The following ERG variants were observed in gnomAD, a reference collection of about 807,000 sequenced individuals.
The protein encoded by ERG is ETS transcription factor ERG, also known as transcriptional regulator ERG.
ERG carries 9 observed loss-of-function variants against 55.3 expected under a neutral mutation model. The ratio of observed to expected loss-of-function variants is 0.16; its 90% CI spans 0.10 to 0.28. ERG has a LOEUF of 0.28. ERG is among the 10% of genes least tolerant of loss of function. ERG has a pLI of 1.00. For synonymous variants in ERG, 223 were observed against 237.3 expected (o/e 0.94, Z 0.55); for missense variants, 434 against 631.6 (o/e 0.69, Z 3.35).
At chr21:38,655,596 G>C (rs1418767459) in intron 1 of ERG, among the ~76,000 whole-genome samples, 1 of 152,172 alleles carries the variant, frequency 6.6e-6, no homozygotes, top group Non-Finnish European at 1.5e-5. Flanking sequence ...TGTGTGTGAG[G>C]GGTGACATCT....
intron 1 of ERG, among the ~76,000 whole-genome samples, chr21:38,455,637 C>A (rs2058981049): frequency 2.0e-5 from 3 of 151,988 alleles, no homozygotes; most frequent in South Asian, 4.2e-4. Context: ...CGATAAAATT[C>A]CAGGAATTTT....
intron 6 of ERG, 78 bp downstream of exon 6, chr21:38,400,496 C>T (rs759240965): frequency 1.5e-5 from 17 of 1,132,840 alleles, no homozygotes; most frequent in Non-Finnish European, 1.8e-5. Context: ...CTTTGTATCA[C>T]GTGACTTAGG....
chr21:38,367,647 A>G, the ERG span: 1 of 516,152 alleles, frequency 1.9e-6, no homozygotes, highest in South Asian at 1.5e-5. Flanking sequence ...ATTGGGTCCA[A>G]CCTATACAAA....
intron 1 of ERG, among the ~76,000 whole-genome samples, chr21:38,595,372 G>A (rs1374481330): frequency 6.6e-6 from 1 of 152,212 alleles, no homozygotes; most frequent in Non-Finnish European, 1.5e-5. Context: ...AGACATGTCA[G>A]AGCCTGGTGG....
chr21:38,372,731 T>C, the ERG span, among the ~76,000 whole-genome samples: 1 of 152,114 alleles, frequency 6.6e-6, no homozygotes, highest in Non-Finnish European at 1.5e-5. Context: ...GGTAAATTTG[T>C]AAAAATGATT....
At position 38,642,771 on chromosome 21, in the gene ERG, C is replaced by G. The variant is rs966246114; in HGVS notation, c.-150+18887G>C. Among the ~76,000 whole-genome samples the G allele has an allele frequency of 3.3e-5, 5 of 152,304 alleles. No homozygotes were observed. The East Asian group carries it at 9.6e-4, about 29-fold the overall frequency. On this transcript the variant is annotated intron_variant, in intron 1 of 10. Coordinates refer to the ERG transcript ENST00000398910. The stretch of plus-strand genomic sequence containing the variant: ...AGGTAAACCATTCAGCATCATTGGT[C>G]AAAGGTATTGGGTCACTGAAGGAGG...
intron 1 of ERG, among the ~76,000 whole-genome samples, chr21:38,482,667 C>T (rs554898688): frequency 4.6e-5 from 7 of 150,574 alleles, no homozygotes; most frequent in South Asian, 2.1e-4. Flanking sequence ...ATATATACAA[C>T]GGAATATCAT....
At chr21:38,431,957 T>A (rs886252102) in intron 2 of ERG, among the ~76,000 whole-genome samples, 8 of 152,158 alleles carry the variant, frequency 5.3e-5, no homozygotes, top group Non-Finnish European at 1.2e-4. Flanking sequence ...CTGGCTGCCA[T>A]TGGAAAGATC....
chr21:38,616,748 C>A (rs1014227478), intron 1 of ERG, among the ~76,000 whole-genome samples: 2 of 152,038 alleles, frequency 1.3e-5, no homozygotes, highest in African/African-American at 4.8e-5. Context: ...TCATTTTTAT[C>A]CTAAGCACTG....
chr21:38,583,671 G>A (rs2060044141), intron 1 of ERG, among the ~76,000 whole-genome samples: 1 of 152,174 alleles, frequency 6.6e-6, no homozygotes, highest in Admixed American at 6.5e-5. Context: ...GGCCTTTACA[G>A]AGGCAATCAA....
In ERG at chr21:38,484,065, C is replaced by T. The variant is rs191652890; in HGVS notation, c.18+14298G>A. ...GACTGAAAGGTTACATGACAACAGC[C>T]ACAGAACTTAAGGCATAGAACTTTA... is the stretch of plus-strand genomic sequence containing the variant. On this transcript the variant is annotated intron_variant, in intron 1 of 9. Transcript: ENST00000288319. Among the ~76,000 whole-genome samples the T allele has an allele frequency of 7.6e-4, 115 of 152,208 alleles. 2 individuals are homozygous for T. The highest frequency in any genetic ancestry group is 2.7e-3 in the African/African-American group (111 of 41,540).
At chr21:38,610,221 G>A (rs997909426) in intron 1 of ERG, among the ~76,000 whole-genome samples, 1 of 152,154 alleles carries the variant, frequency 6.6e-6, no homozygotes, top group Admixed American at 6.5e-5. Flanking sequence ...GCAAAGTAAG[G>A]CTTCCCAGAA....
chr21:38,610,655 T>C (rs1288383759), intron 1 of ERG, among the ~76,000 whole-genome samples: 1 of 152,200 alleles, frequency 6.6e-6, no homozygotes, highest in Non-Finnish European at 1.5e-5. Context: ...AGACAATGAA[T>C]GTTTGATCTG....
chr21:38,584,208 C>T (rs1282785155), intron 1 of ERG, among the ~76,000 whole-genome samples: 1 of 152,204 alleles, frequency 6.6e-6, no homozygotes, highest in Non-Finnish European at 1.5e-5. Context: ...GTCATGTGAG[C>T]ACCCCCATAA....
In ERG at chr21:38,406,154, C is replaced by CAAAAAAAAAAAAAAAAA. The variant is rs56711562; in HGVS notation, c.389-2462_389-2446dup. On this transcript the variant is annotated intron_variant, in intron 3 of 9. Coordinates refer to ENST00000288319, the MANE Select transcript of ERG (RefSeq NM_182918.4). ...TGAGCGACAGAGCGAGACTCCATCT[C>CAAAAAAAAAAAAAAAAA]AAAAAAAAAAAAAAAAAAAAATCAT... is the stretch of plus-strand genomic sequence containing the variant. Among the ~76,000 whole-genome samples, 262 of 94,976 alleles carry CAAAAAAAAAAAAAAAAA rather than the reference C, an allele frequency of 2.8e-3. 5 individuals are homozygous for CAAAAAAAAAAAAAAAAA. The highest frequency in any genetic ancestry group is 0.011 in the East Asian group (31 of 2,838). 62.3% of individuals were successfully genotyped at this position (94,976 alleles called of 152,430 possible).
intron 2 of ERG, among the ~76,000 whole-genome samples, chr21:38,563,642 CTT>C (rs1350274294): frequency 1.3e-5 from 2 of 152,234 alleles, no homozygotes; most frequent in Non-Finnish European, 1.5e-5. Flanking sequence ...CTGAATCACT[CTT>C]GTTTCATTGT....
At chr21:38,557,289 A>C (rs1188353230) in intron 2 of ERG, among the ~76,000 whole-genome samples, 2 of 152,220 alleles carry the variant, frequency 1.3e-5, no homozygotes, top group Non-Finnish European at 2.9e-5. Flanking sequence ...ATTCCTGAAA[A>C]GTTTATTTAA....
chr21:38,556,431 G>A (rs974770116), intron 2 of ERG, among the ~76,000 whole-genome samples: 1 of 152,144 alleles, frequency 6.6e-6, no homozygotes, highest in Non-Finnish European at 1.5e-5. Flanking sequence ...CCCAAGGAGA[G>A]AAGAAGTCAC....
At position 38,383,652 on chromosome 21, in the gene ERG, C is replaced by G; in HGVS notation, c.1191G>C (p.Gln397His). 6.2e-7 allele frequency: 1 copy of G among 1,614,102 alleles called. No homozygotes were observed. The highest frequency in any genetic ancestry group is 8.5e-7 in the Non-Finnish European group (1 of 1,180,020). ...AYKFDFHGIAQALQPHPPESS... is the reference protein window; with the variant it reads ...AYKFDFHGIAHALQPHPPESS... ...ACTCCGGGGGGTGGGGCTGGAGGGC[C>G]TGGGCGATCCCGTGGAAGTCGAACT... The change falls in exon 10 of 10, where the codon CAG becomes CAC. Residue 397 changes from glutamine (Q) to histidine (H), a missense_variant. Physicochemically the swap from Gln to His is conservative, Grantham distance 24. Around this residue, in one of 5 missense-constraint regions of ERG, gnomAD observed 107 missense variants for 126.8 expected, o/e 0.84. Coordinates refer to ENST00000288319, the MANE Select transcript of ERG (RefSeq NM_182918.4). This position sits in a 1 kb window ranked among gnomAD's most constrained non-coding sequence, Gnocchi z 5.7.
Sources: allele counts gnomAD v4.1 joint callset (sites outside exome capture counted in the v4.1 genomes callset), GRCh38; gene constraint gnomAD v4.1.1; regional missense constraint gnomAD v4.1.1; non-coding constraint Gnocchi (gnomAD v3.1); transcripts MANE v1.5; gene names NCBI Gene and HGNC (gene_info 2026-07-23, HGNC 2026-07-21).